Variants in PTPRK observed in about 807,000 individuals in gnomAD.
The protein encoded by PTPRK is receptor-type tyrosine-protein phosphatase kappa.
PTPRK carries 75 observed loss-of-function variants against 178.0 expected under a neutral mutation model. The ratio of observed to expected loss-of-function variants is 0.42; its 90% CI spans 0.35 to 0.51. The LOEUF (loss-of-function observed/expected upper bound fraction) is 0.51. Among genes scored for constraint, PTPRK ranks in the 20% least tolerant of loss-of-function variants. The pLI is 0.02. For missense variants in PTPRK, 1,441 were observed against 1,797.8 expected, an observed-to-expected ratio of 0.80 and a Z score of 3.59; for synonymous variants, 637 against 620.6, an observed-to-expected ratio of 1.03 and a Z score of -0.39.
intron 1 of PTPRK, among the ~76,000 whole-genome samples, chr6:128,466,974 A>G (rs986155538): frequency 9.9e-5 from 15 of 152,156 alleles, no homozygotes; most frequent in South Asian, 2.1e-4. Context: ...ATTAAAGAAA[A>G]TTATGCTTAT....
intron 3 of PTPRK, among the ~76,000 whole-genome samples, chr6:128,243,907 C>T (rs1814971733): frequency 6.6e-6 from 1 of 151,774 alleles, no homozygotes; most frequent in Non-Finnish European, 1.5e-5. Context: ...ACATATTTGG[C>T]TATAAAGTGA....
At chr6:128,047,132 T>C (rs1388024694) in intron 13 of PTPRK, among the ~76,000 whole-genome samples, 1 of 152,178 alleles carries the variant, frequency 6.6e-6, no homozygotes, top group Admixed American at 6.6e-5. Context: ...TGATCAGTGC[T>C]GGTATGTCTT....
chr6:128,455,165 CAG>C (rs1848244973), intron 1 of PTPRK, among the ~76,000 whole-genome samples: 1 of 152,044 alleles, frequency 6.6e-6, no homozygotes. Context: ...TTATGTGATT[CAG>C]ACTTTCAGTT....
chr6:128,123,989 T>G (rs1317666018), intron 7 of PTPRK, among the ~76,000 whole-genome samples: 1 of 151,994 alleles, frequency 6.6e-6, no homozygotes, highest in African/African-American at 2.4e-5. Context: ...CTGGCTGAAG[T>G]AGTCTTTTAG....
chr6:128,072,915 G>A (rs1783082395), intron 11 of PTPRK, among the ~76,000 whole-genome samples: 1 of 151,962 alleles, frequency 6.6e-6, no homozygotes, highest in Non-Finnish European at 1.5e-5. Context: ...TAATGCCAAA[G>A]ATCCATTTAT....
At chr6:128,136,094 C>A (rs531775690) in intron 7 of PTPRK, among the ~76,000 whole-genome samples, 1 of 152,066 alleles carries the variant, frequency 6.6e-6, no homozygotes, top group Non-Finnish European at 1.5e-5. Flanking sequence ...AAAGAGATAT[C>A]TGGGATGTGA....
At chr6:128,487,963 T>C (rs1853210344) in intron 1 of PTPRK, among the ~76,000 whole-genome samples, 1 of 152,142 alleles carries the variant, frequency 6.6e-6, no homozygotes, top group Admixed American at 6.5e-5. Flanking sequence ...GATAGTTGTA[T>C]ATGTGAAGGG....
intron 7 of PTPRK, among the ~76,000 whole-genome samples, chr6:128,091,193 C>T (rs758122900): frequency 6.6e-6 from 1 of 152,080 alleles, no homozygotes; most frequent in Non-Finnish European, 1.5e-5. Context: ...GAATCTAATG[C>T]TTAGGTTTTA....
At chr6:128,302,129 C>G (rs532572180) in intron 3 of PTPRK, among the ~76,000 whole-genome samples, 1 of 152,122 alleles carries the variant, frequency 6.6e-6, no homozygotes, top group East Asian at 1.9e-4. Context: ...TGGCTCACGC[C>G]TGTAATCTCA....
chr6:128,041,632 A>T (rs1777179694), intron 13 of PTPRK, among the ~76,000 whole-genome samples: 1 of 152,008 alleles, frequency 6.6e-6, no homozygotes, highest in African/African-American at 2.4e-5. Flanking sequence ...TTAATTGCTA[A>T]GTATAAAAAT....
intron 3 of PTPRK, among the ~76,000 whole-genome samples, chr6:128,311,749 C>T (rs1170789178): frequency 6.6e-6 from 1 of 152,078 alleles, no homozygotes; most frequent in African/African-American, 2.4e-5. Context: ...ATCCTCCTGC[C>T]TCAGCCTCTC....
At chr6:128,337,623 T>C (rs1207735884) in intron 2 of PTPRK, among the ~76,000 whole-genome samples, 1 of 152,120 alleles carries the variant, frequency 6.6e-6, no homozygotes, top group Non-Finnish European at 1.5e-5. Context: ...TGAGGATGAA[T>C]CTGAAATACT....
intron 7 of PTPRK, among the ~76,000 whole-genome samples, chr6:128,148,658 T>G (rs1796834909): frequency 6.6e-6 from 1 of 152,138 alleles, no homozygotes; most frequent in South Asian, 2.1e-4. Flanking sequence ...CTATTAGCAT[T>G]TCTTCAATAT....
intron 3 of PTPRK, among the ~76,000 whole-genome samples, chr6:128,309,067 C>T (rs758610662): frequency 1.3e-5 from 2 of 152,160 alleles, no homozygotes; most frequent in South Asian, 4.1e-4. Flanking sequence ...CACCACTCAA[C>T]AGTCAAGTCA....
chr6:128,242,487 A>G (rs745912231), intron 4 of PTPRK, 34 bp downstream of exon 4: 2 of 1,602,816 alleles, frequency 1.2e-6, no homozygotes, highest in African/African-American at 2.7e-5. Context: ...TGTGGAAAGG[A>G]CATAGAAAAA....
intron 1 of PTPRK, among the ~76,000 whole-genome samples, chr6:128,470,133 T>C (rs1850418153): frequency 6.6e-6 from 1 of 152,168 alleles, no homozygotes; most frequent in African/African-American, 2.4e-5. Flanking sequence ...GAAAACATTA[T>C]ACATCCTGTT....
chr6:128,000,185 T>C, intron 15 of PTPRK: 1 of 968,526 alleles, frequency 1.0e-6, no homozygotes, highest in South Asian at 3.2e-5. Context: ...TTTTTTTTAA[T>C]GATAATGCAT....
intron 5 of PTPRK, among the ~76,000 whole-genome samples, chr6:128,231,522 A>C (rs1164183546): frequency 1.3e-5 from 2 of 152,212 alleles, no homozygotes; most frequent in Non-Finnish European, 2.9e-5. Flanking sequence ...CAGAAGTTAC[A>C]GAAGCAGCCA....
At chr6:128,063,884 C>T (rs931107991) in intron 13 of PTPRK, among the ~76,000 whole-genome samples, 1 of 152,082 alleles carries the variant, frequency 6.6e-6, no homozygotes, top group African/African-American at 2.4e-5. Context: ...GATGCCAGTA[C>T]AAACAGAATA....
Sources: gnomAD v4.1 joint callset for allele counts (sites outside exome capture counted in the v4.1 genomes callset) on GRCh38, gnomAD v4.1.1 for gene constraint, MANE v1.5 for transcripts, NCBI Gene and HGNC (gene_info 2026-07-23, HGNC 2026-07-21) for gene names.